The following MCF2L2 variants were observed in gnomAD, a reference collection of about 807,000 sequenced individuals.
MCF2L2 encodes probable guanine nucleotide exchange factor MCF2L2.
A neutral mutation model predicts 150.2 loss-of-function variants in MCF2L2; 102 were observed. That is an observed-to-expected ratio of 0.68 (90% confidence interval 0.58 to 0.80). The LOEUF is 0.80. Among genes scored for constraint, MCF2L2 ranks in the 30% least tolerant of loss-of-function variants. MCF2L2 has a pLI of 0.00. For synonymous variants in MCF2L2, 465 were observed against 491.3 expected, an observed-to-expected ratio of 0.95 and a Z score of 0.71; for missense variants, 1,256 against 1,372.8, an observed-to-expected ratio of 0.91 and a Z score of 1.34.
Position 183,338,124 on chromosome 3 carries a change from T to G in MCF2L2, c.486+676A>C, listed in dbSNP as rs1452525456. On this transcript the variant is annotated intron_variant, in intron 5 of 29. Coordinates refer to ENST00000328913, the MANE Select transcript of MCF2L2 (RefSeq NM_015078.4). ...ATCATCTTAGACACCACCTTCAGAC[T>G]AATTTTACCATGTCACTTCCCACCT... is the stretch of plus-strand genomic sequence containing the variant. Among the ~76,000 whole-genome samples, 3 of 151,986 alleles carry G rather than the reference T, an allele frequency of 2.0e-5. No homozygotes were observed. In the East Asian group the frequency reaches 5.8e-4, roughly 29 times the overall value.
intron 22 of MCF2L2, among the ~76,000 whole-genome samples, chr3:183,213,240 T>C (rs1400882388): frequency 1.3e-5 from 2 of 150,372 alleles, no homozygotes; most frequent in African/African-American, 4.9e-5. Flanking sequence ...CTAATATGCA[T>C]TGGATTTGAA....
intron 27 of MCF2L2, among the ~76,000 whole-genome samples, chr3:183,191,875 C>G (rs1454778282): frequency 6.6e-6 from 1 of 151,996 alleles, no homozygotes; most frequent in Non-Finnish European, 1.5e-5. Context: ...GAGTCTCGCT[C>G]TGTTGCCCAG....
chr3:183,261,710 A>G lies in MCF2L2; in HGVS notation c.1862+15162T>C, dbSNP rs187877646. ...CAGTATTTTATTTCCCCCGCAAGGAAAAAACCAGAGCTAGAATGGAATGAT... is the reference window on the plus strand; with the variant it reads ...CAGTATTTTATTTCCCCCGCAAGGAGAAAACCAGAGCTAGAATGGAATGAT... On this transcript the variant is annotated intron_variant, in intron 15 of 29. Coordinates refer to ENST00000328913, the MANE Select transcript of MCF2L2 (RefSeq NM_015078.4). Among the ~76,000 whole-genome samples the G allele has an allele frequency of 3.8e-4, 58 of 152,234 alleles. No individual in the cohort carries two copies. In the East Asian group the frequency reaches 0.011, roughly 29 times the overall value.
chr3:183,255,241 C>T (rs1724933519), intron 15 of MCF2L2, among the ~76,000 whole-genome samples: 1 of 152,160 alleles, frequency 6.6e-6, no homozygotes, highest in Non-Finnish European at 1.5e-5. Flanking sequence ...TAAGTGGTGG[C>T]ACCGAAATGA....
intron 3 of MCF2L2, among the ~76,000 whole-genome samples, chr3:183,362,522 G>A (rs946821008): frequency 2.7e-5 from 4 of 150,598 alleles, no homozygotes; most frequent in African/African-American, 5.0e-5. Flanking sequence ...GCTTCTGGGA[G>A]AGAAAATGAA....
At chr3:183,338,021 G>C (rs1254389370) in intron 5 of MCF2L2, among the ~76,000 whole-genome samples, 1 of 152,022 alleles carries the variant, frequency 6.6e-6, no homozygotes, top group African/African-American at 2.4e-5. Flanking sequence ...TTAGTTTCCT[G>C]GATTTATGTC....
rs1576907342 is a variant in MCF2L2, at chr3:183,188,405, T to C, written c.3016+4594A>G. ...GAGTCATGATGGGCAAGGTCACAACTCATTTGACTTCTTGGCTCCCAGATT... is the reference window on the plus strand; with the variant it reads ...GAGTCATGATGGGCAAGGTCACAACCCATTTGACTTCTTGGCTCCCAGATT... On this transcript the variant is annotated intron_variant, in intron 27 of 29. Coordinates refer to ENST00000328913, the MANE Select transcript of MCF2L2 (RefSeq NM_015078.4). Among the ~76,000 whole-genome samples the C allele has an allele frequency of 4.6e-5, 7 of 152,286 alleles. No homozygotes were observed. In the South Asian group the frequency reaches 1.5e-3, roughly 32 times the overall value.
At chr3:183,244,147 A>C (rs1274341302) in intron 15 of MCF2L2, among the ~76,000 whole-genome samples, 1 of 152,030 alleles carries the variant, frequency 6.6e-6, no homozygotes, top group African/African-American at 2.4e-5. Context: ...AAGAAAAAAA[A>C]GAAATCCATC....
intron 25 of MCF2L2, among the ~76,000 whole-genome samples, chr3:183,195,810 C>T (rs567493724): frequency 1.3e-5 from 2 of 152,316 alleles, no homozygotes; most frequent in South Asian, 2.1e-4. Context: ...ACCTGACTCT[C>T]CCAGGCTAGG....
At chr3:183,402,929 TA>T (rs35143006) in intron 1 of MCF2L2, among the ~76,000 whole-genome samples, 53,726 of 148,292 alleles carry the variant, frequency 0.36, 9,704 homozygotes, top group Middle Eastern at 0.42. Flanking sequence ...AAAAGATACT[TA>T]AAAAAAAAAC....
chr3:183,408,423 G>C (rs1370041245), intron 1 of MCF2L2, among the ~76,000 whole-genome samples: 1 of 152,200 alleles, frequency 6.6e-6, no homozygotes, highest in Non-Finnish European at 1.5e-5. Flanking sequence ...CATTACACCT[G>C]AGGAGCTGCG....
chr3:183,396,812 CAG>C (rs1393908695), intron 1 of MCF2L2, among the ~76,000 whole-genome samples: 6 of 151,974 alleles, frequency 3.9e-5, no homozygotes, highest in Non-Finnish European at 8.8e-5. Context: ...GGAGGTTAGA[CAG>C]AGAAACAGAG....
intron 15 of MCF2L2, among the ~76,000 whole-genome samples, chr3:183,233,007 C>T (rs1428923723): frequency 6.6e-6 from 1 of 152,156 alleles, no homozygotes; most frequent in East Asian, 1.9e-4. Flanking sequence ...GACAATATAA[C>T]TTCAACAACA....
At chr3:183,225,824 C>A (rs1349168963) in intron 18 of MCF2L2, 2 of 152,230 alleles carry the variant, frequency 1.3e-5, no homozygotes, top group Non-Finnish European at 2.9e-5. Context: ...TTTATGGAAT[C>A]CTCTGCATAC....
intron 1 of MCF2L2, among the ~76,000 whole-genome samples, chr3:183,390,759 T>C (rs1714095384): frequency 6.6e-6 from 1 of 152,152 alleles, no homozygotes; most frequent in Admixed American, 6.6e-5. Flanking sequence ...TAGCCAAGCA[T>C]GGTGATGTAT....
At chr3:183,379,717 C>T (rs974894124) in intron 2 of MCF2L2, among the ~76,000 whole-genome samples, 4 of 152,116 alleles carry the variant, frequency 2.6e-5, no homozygotes, top group Admixed American at 6.5e-5. Context: ...TGTAATATTG[C>T]TCTTCATTTT....
At chr3:183,372,366 C>T (rs1447202981) in intron 3 of MCF2L2, 1 of 152,090 alleles carries the variant, frequency 6.6e-6, no homozygotes, top group Non-Finnish European at 1.5e-5. Flanking sequence ...AAAAAGAGGA[C>T]ACAACGAACA....
chr3:183,393,707 C>T (rs929870522), intron 1 of MCF2L2, among the ~76,000 whole-genome samples: 2 of 152,224 alleles, frequency 1.3e-5, no homozygotes, highest in Admixed American at 6.5e-5. Context: ...CAGACTCTTA[C>T]GCGATGAAAT....
At chr3:183,361,107 A>AAGACAAGACAAGACAAGACAAGACAAGAC (rs1560040349) in intron 3 of MCF2L2, among the ~76,000 whole-genome samples, 12 of 91,586 alleles carry the variant, frequency 1.3e-4, no homozygotes, top group African/African-American at 9.2e-4. Context: ...CAAGACAAGA[A>AAGACAAGACAAGACAAGACAAGACAAGAC]AAGAAAAAAG....
Sources: allele counts gnomAD v4.1 joint callset (sites outside exome capture counted in the v4.1 genomes callset), GRCh38; gene constraint gnomAD v4.1.1; transcripts MANE v1.5; gene names NCBI Gene and HGNC (gene_info 2026-07-23, HGNC 2026-07-21).